The following ABCA4 variants were observed in gnomAD, a reference collection of about 807,000 sequenced individuals.
The protein encoded by ABCA4 is retinal-specific phospholipid-transporting ATPase ABCA4.
In ABCA4, 196 loss-of-function variants were observed where a neutral mutation model predicts 263.7. The observed-to-expected ratio is 0.74, with a 90% confidence interval of 0.66 to 0.84. ABCA4 has a LOEUF of 0.84. ABCA4 is among the 40% of genes least tolerant of loss of function. The pLI, the probability that ABCA4 is intolerant of heterozygous loss-of-function variation, is 0.00. For missense variants in ABCA4, 2,792 were observed against 2,855.1 expected, an observed-to-expected ratio of 0.98 and a Z score of 0.50; for synonymous variants, 1,133 against 1,094.2, an observed-to-expected ratio of 1.04 and a Z score of -0.70.
intron 1 of ABCA4, among the ~76,000 whole-genome samples, chr1:94,117,592 G>A (rs972334082): frequency 1.3e-5 from 2 of 152,064 alleles, no homozygotes; most frequent in African/African-American, 2.4e-5. Flanking sequence ...CAGCCAACAC[G>A]GGCAGATGTA....
chr1:94,008,988 T>G (rs1659476188), intron 40 of ABCA4, 117 bp from the exon 41 acceptor site: 1 of 1,451,102 alleles, frequency 6.9e-7, no homozygotes, highest in African/African-American at 1.4e-5. Flanking sequence ...CTTCCATCCT[T>G]TAAGACTTAA....
intron 44 of ABCA4, among the ~76,000 whole-genome samples, chr1:94,004,492 C>G (rs11809851): frequency 1.3e-5 from 2 of 152,184 alleles, no homozygotes; most frequent in South Asian, 2.1e-4. Flanking sequence ...TTCTCCCCCG[C>G]TCCACCCTGC....
chr1:94,035,849 CA>C (rs1419355178), intron 26 of ABCA4, among the ~76,000 whole-genome samples: 1 of 152,206 alleles, frequency 6.6e-6, no homozygotes, highest in Non-Finnish European at 1.5e-5. Context: ...TACACTCACA[CA>C]TGCTTTGTGT....
chr1:94,091,603 A>AATTT (rs1661969885), intron 6 of ABCA4, among the ~76,000 whole-genome samples: 1 of 89,328 alleles, frequency 1.1e-5, no homozygotes, highest in African/African-American at 3.1e-5. Flanking sequence ...ACACACACAC[A>AATTT]CACACACACA....
chr1:94,103,500 C>G (rs76240863), intron 4 of ABCA4, among the ~76,000 whole-genome samples: 2,512 of 152,260 alleles, frequency 0.016, 81 homozygotes, highest in African/African-American at 0.057. Context: ...GATCTAAAGA[C>G]ATTTCTGGGT....
At chr1:94,080,770 C>A in intron 7 of ABCA4, 52 bp from the exon 8 acceptor site, 1 of 1,612,716 alleles carries the variant, frequency 6.2e-7, no homozygotes, top group Non-Finnish European at 8.5e-7. Context: ...GAGTCATAAT[C>A]TGCTGTGAGG....
At chr1:94,042,077 C>T (rs1004051532) in intron 22 of ABCA4, among the ~76,000 whole-genome samples, 20 of 121,204 alleles carry the variant, frequency 1.7e-4, no homozygotes, top group East Asian at 5.2e-4. Flanking sequence ...CCAGCCTGCG[C>T]GACAGAGCGA....
intron 43 of ABCA4, among the ~76,000 whole-genome samples, 164 bp from the exon 44 acceptor site, chr1:94,005,746 C>G (rs917901879): frequency 6.6e-6 from 1 of 152,118 alleles, no homozygotes; most frequent in Admixed American, 6.5e-5. Context: ...AAACAGGGGC[C>G]CTTCGGTTAG....
chr1:94,028,749 C>T (rs1571262654), intron 30 of ABCA4, among the ~76,000 whole-genome samples: 1 of 151,596 alleles, frequency 6.6e-6, no homozygotes, highest in East Asian at 1.9e-4. Context: ...TGTACTAAAA[C>T]TACCAAAAAA....
chr1:94,047,180 C>G, intron 18 of ABCA4, 87 bp from the exon 19 acceptor site: 2 of 1,471,060 alleles, frequency 1.4e-6, no homozygotes, highest in South Asian at 2.3e-5. Context: ...TGTATTCTGC[C>G]TATAACGTCA....
At chr1:94,029,091 T>C (rs185929208) in intron 30 of ABCA4, among the ~76,000 whole-genome samples, 1 of 136,780 alleles carries the variant, frequency 7.3e-6, no homozygotes, top group East Asian at 2.0e-4. Context: ...ACATTATCTG[T>C]GTTTATATCC....
At chr1:94,098,746 C>G (rs762135382) in intron 6 of ABCA4, 48 bp downstream of exon 6, 10 of 1,602,214 alleles carry the variant, frequency 6.2e-6, no homozygotes, top group Non-Finnish European at 8.5e-6. Context: ...GGCTCTGCTA[C>G]CCCAGGAATC....
chr1:94,097,967 C>T (rs1465585445), intron 6 of ABCA4, among the ~76,000 whole-genome samples: 2 of 152,158 alleles, frequency 1.3e-5, no homozygotes, highest in Non-Finnish European at 1.5e-5. Context: ...CCGTGTTAGC[C>T]AGGATGGTCT....
At chr1:94,078,118 T>A (rs1661588617) in intron 10 of ABCA4, among the ~76,000 whole-genome samples, 1 of 152,120 alleles carries the variant, frequency 6.6e-6, no homozygotes, top group African/African-American at 2.4e-5. Flanking sequence ...AGGGGCCAGA[T>A]GGGGGTCATT....
intron 44 of ABCA4, 22 bp from the exon 45 acceptor site, chr1:94,002,014 C>T (rs765191420): frequency 1.2e-6 from 2 of 1,614,104 alleles, no homozygotes; most frequent in South Asian, 1.1e-5. Context: ...AAAGAAATGC[C>T]ATTTGGAGAA....
Position 94,063,312 on chromosome 1 carries a change from C to T in ABCA4, c.1560G>A (p.Leu520=). The stretch of plus-strand genomic sequence containing the variant: ...TGTAGCTTTCAAACTTATCCAGGAC[C>T]AAGCACTGCAGAGAGTCACAAAGTT... The part of the protein sequence containing the change: ...LRLVNQYLEC[L]VLDKFESYND... The change falls in exon 12 of 50, where the codon TTG becomes TTA. Residue 520 remains leucine, a synonymous_variant. Transcript: ENST00000370225. 2 of 1,614,104 alleles carry T rather than the reference C, an allele frequency of 1.2e-6. No homozygotes were observed. The highest frequency in any genetic ancestry group is 1.7e-6 in the Non-Finnish European group (2 of 1,180,010).
chr1:94,092,004 T>A (rs1557800703), intron 6 of ABCA4, among the ~76,000 whole-genome samples: 1 of 152,252 alleles, frequency 6.6e-6, no homozygotes, highest in African/African-American at 2.4e-5. Context: ...GTATTTCTGA[T>A]GCTTTGGATC....
intron 20 of ABCA4, among the ~76,000 whole-genome samples, chr1:94,043,930 T>C (rs1660593471): frequency 6.6e-6 from 1 of 152,222 alleles, no homozygotes; most frequent in Non-Finnish European, 1.5e-5. Flanking sequence ...CTCTGAGTAG[T>C]GAAATTACAG....
At chr1:94,037,600 G>C (rs1660376019) in intron 24 of ABCA4, among the ~76,000 whole-genome samples, 1 of 152,030 alleles carries the variant, frequency 6.6e-6, no homozygotes, top group African/African-American at 2.4e-5. Context: ...TGCAACCTGG[G>C]GGCGGAGGTT....
Sources: allele counts gnomAD v4.1 joint callset (sites outside exome capture counted in the v4.1 genomes callset), GRCh38; gene constraint gnomAD v4.1.1; transcripts MANE v1.5; gene names NCBI Gene and HGNC (gene_info 2026-07-23, HGNC 2026-07-21).